LRRTM4: variants seen among roughly 807,000 people sequenced by gnomAD.
The protein encoded by LRRTM4 is leucine-rich repeat transmembrane neuronal protein 4.
Under a neutral mutation model 47.6 loss-of-function variants are expected in LRRTM4, and 25 were observed. That is an observed-to-expected ratio of 0.53 (90% confidence interval 0.38 to 0.73). LRRTM4 has a LOEUF of 0.73. Ranked by LOEUF, LRRTM4 falls within the 30% of genes least tolerant of loss-of-function variation. The pLI, the probability that LRRTM4 is intolerant of heterozygous loss-of-function variation, is 0.00. For synonymous variants in LRRTM4, 311 were observed against 269.5 expected, an observed-to-expected ratio of 1.15 and a Z score of -1.51; for missense variants, 638 against 713.4, an observed-to-expected ratio of 0.89 and a Z score of 1.20.
intron 3 of LRRTM4, among the ~76,000 whole-genome samples, chr2:77,222,718 G>A (rs1558640957): frequency 6.6e-6 from 1 of 152,094 alleles, no homozygotes; most frequent in East Asian, 1.9e-4. Context: ...ATAATTAATA[G>A]CTTACCAACC....
rs939642796 is a variant in LRRTM4 at position 76,974,734 on chromosome 2, C to T, written c.1552-225818G>A. ...TAATTCAAATAAATATTCTGACATA[C>T]TATTATAAATTTAATTTTCCAAGAA... On this transcript the variant is annotated intron_variant, in intron 3 of 3. Coordinates refer to ENST00000409884, the MANE Select transcript of LRRTM4 (RefSeq NM_001134745.3). 5.9e-5 allele frequency among the ~76,000 whole-genome samples: 9 copies of T among 151,708 alleles called. No homozygotes were observed. The South Asian group carries it at 8.3e-4, about 14-fold the overall frequency.
At chr2:77,129,616 G>C (rs866675340) in intron 3 of LRRTM4, among the ~76,000 whole-genome samples, 2 of 152,002 alleles carry the variant, frequency 1.3e-5, no homozygotes, top group African/African-American at 4.8e-5. Context: ...TAAGATATTT[G>C]CCTCTACTTT....
intron 3 of LRRTM4, among the ~76,000 whole-genome samples, chr2:77,237,789 A>C (rs1320378035): frequency 6.6e-6 from 1 of 152,164 alleles, no homozygotes; most frequent in Non-Finnish European, 1.5e-5. Context: ...TCCTTACTAT[A>C]CAAAAGATGC....
intron 3 of LRRTM4, among the ~76,000 whole-genome samples, chr2:77,421,687 G>A (rs10176495): frequency 0.41 from 61,439 of 151,406 alleles, 13,211 homozygotes; most frequent in African/African-American, 0.56. Flanking sequence ...AGCCTGGGCG[G>A]CAGAGGGAGA....
chr2:76,864,133 G>A (rs1272323643), intron 3 of LRRTM4, among the ~76,000 whole-genome samples: 2 of 152,130 alleles, frequency 1.3e-5, no homozygotes, highest in African/African-American at 2.4e-5. Flanking sequence ...AAATATGAAA[G>A]CCTTTCTCCA....
intron 3 of LRRTM4, among the ~76,000 whole-genome samples, chr2:76,755,475 T>G (rs918184537): frequency 2.6e-5 from 4 of 152,284 alleles, no homozygotes; most frequent in African/African-American, 9.6e-5. Flanking sequence ...TCGTGTTTCT[T>G]TTTTCATCAC....
chr2:77,481,962 T>C (rs746833741), intron 3 of LRRTM4, among the ~76,000 whole-genome samples: 1 of 151,902 alleles, frequency 6.6e-6, no homozygotes, highest in East Asian at 1.9e-4. Flanking sequence ...CAGGCACGGA[T>C]TGCTTTAAAG....
At chr2:77,108,912 C>T (rs1033999505) in intron 3 of LRRTM4, among the ~76,000 whole-genome samples, 2 of 152,106 alleles carry the variant, frequency 1.3e-5, no homozygotes, top group Non-Finnish European at 2.9e-5. Context: ...CTAATTTTAA[C>T]AATTCTAGAA....
intron 3 of LRRTM4, among the ~76,000 whole-genome samples, chr2:77,057,528 A>T (rs551767449): frequency 1.3e-5 from 2 of 152,294 alleles, no homozygotes; most frequent in Admixed American, 6.5e-5. Flanking sequence ...GGTGAATTTT[A>T]CTTTTCCTTA....
At chr2:76,873,507 T>TGTATATATATATAC (rs371406111) in intron 3 of LRRTM4, among the ~76,000 whole-genome samples, 52 of 21,636 alleles carry the variant, frequency 2.4e-3, no homozygotes, top group Non-Finnish European at 4.8e-3. Context: ...TATATGTGTG[T>TGTATATATATATAC]ATATATATAT....
At chr2:77,081,867 G>A (rs528982694) in intron 3 of LRRTM4, among the ~76,000 whole-genome samples, 1 of 152,130 alleles carries the variant, frequency 6.6e-6, no homozygotes, top group East Asian at 1.9e-4. Flanking sequence ...AGTAGTGACA[G>A]TCACAAAATC....
intron 3 of LRRTM4, among the ~76,000 whole-genome samples, chr2:76,847,549 G>T (rs1362077888): frequency 2.0e-5 from 3 of 151,622 alleles, no homozygotes; most frequent in Non-Finnish European, 4.4e-5. Flanking sequence ...GGTCAGTCTA[G>T]GTTTCTTTAA....
chr2:76,902,530 G>C (rs1009850631), intron 3 of LRRTM4, among the ~76,000 whole-genome samples: 9 of 152,162 alleles, frequency 5.9e-5, no homozygotes, highest in African/African-American at 1.9e-4. Context: ...TGATGGATCT[G>C]AATCTGGAAT....
At chr2:76,977,858 A>G (rs978947465) in intron 3 of LRRTM4, among the ~76,000 whole-genome samples, 2 of 152,050 alleles carry the variant, frequency 1.3e-5, no homozygotes, top group Non-Finnish European at 2.9e-5. Context: ...ATTAGGGCAT[A>G]AACTTCTTTT....
chr2:76,774,536 T>C (rs1673874052), intron 3 of LRRTM4, among the ~76,000 whole-genome samples: 2 of 152,126 alleles, frequency 1.3e-5, no homozygotes, highest in South Asian at 4.2e-4. Context: ...ACAAAATATA[T>C]TTAGTATTCA....
chr2:77,326,187 T>G (rs1026285566), intron 3 of LRRTM4, among the ~76,000 whole-genome samples: 1 of 152,226 alleles, frequency 6.6e-6, no homozygotes, highest in Non-Finnish European at 1.5e-5. Context: ...TGCTCACTTT[T>G]AATCAAATTT....
chr2:76,858,480 G>A (rs976316833), intron 3 of LRRTM4, among the ~76,000 whole-genome samples: 1 of 152,094 alleles, frequency 6.6e-6, no homozygotes, highest in African/African-American at 2.4e-5. Context: ...TATAACATCA[G>A]CTCTCCTAGG....
intron 3 of LRRTM4, among the ~76,000 whole-genome samples, chr2:76,791,784 T>C (rs372893121): frequency 6.6e-6 from 1 of 152,202 alleles, no homozygotes; most frequent in African/African-American, 2.4e-5. Context: ...GTTTCAGAGG[T>C]ATACTTACTT....
At chr2:77,516,612 A>T (rs1679215364) in intron 3 of LRRTM4, 1 of 982,858 alleles carries the variant, frequency 1.0e-6, no homozygotes. Context: ...CTAATACTCA[A>T]GTATATTGTA....
Sources: allele counts gnomAD v4.1 joint callset (sites outside exome capture counted in the v4.1 genomes callset), GRCh38; gene constraint gnomAD v4.1.1; transcripts MANE v1.5; gene names NCBI Gene and HGNC (gene_info 2026-07-23, HGNC 2026-07-21).